LRMDA: variants seen among roughly 807,000 people sequenced by gnomAD.
LRMDA encodes the protein leucine rich melanocyte differentiation associated, also known as leucine-rich melanocyte differentiation-associated protein.
Under a neutral mutation model 29.8 loss-of-function variants are expected in LRMDA, and 18 were observed. That is an observed-to-expected ratio of 0.60 (90% CI 0.42 to 0.90). The LOEUF (loss-of-function observed/expected upper bound fraction) is 0.90, where lower values mean the gene tolerates loss of function less well. Ranked by LOEUF, LRMDA falls within the 40% of genes least tolerant of loss-of-function variation. The probability of loss-of-function intolerance (pLI) is 0.00; values close to 1 mark genes in which losing one functional copy is unlikely to be tolerated. For synonymous variants in LRMDA, 125 were observed against 109.4 expected (o/e 1.14, Z -0.89); for missense variants, 273 against 273.9 (o/e 1.00, Z 0.02).
intron 5 of LRMDA, among the ~76,000 whole-genome samples, chr10:76,285,835 T>C (rs567462836): frequency 6.6e-6 from 1 of 152,322 alleles, no homozygotes; most frequent in South Asian, 2.1e-4. Context: ...TTGAATTTAA[T>C]TTTATGTTTT....
intron 6 of LRMDA, among the ~76,000 whole-genome samples, chr10:76,531,295 C>T (rs921073704): frequency 1.3e-5 from 2 of 151,966 alleles, no homozygotes; most frequent in African/African-American, 4.8e-5. Context: ...ACAAGAGACT[C>T]GGAAATTCAA....
intron 2 of LRMDA, among the ~76,000 whole-genome samples, chr10:75,445,562 T>C (rs1392654582): frequency 6.4e-4 from 3 of 4,716 alleles, no homozygotes; most frequent in Non-Finnish European, 1.1e-3. Flanking sequence ...GATAATTCTG[T>C]GCTTTAGCCG....
At chr10:75,458,701 C>A (rs1019907989) in intron 2 of LRMDA, among the ~76,000 whole-genome samples, 1 of 152,080 alleles carries the variant, frequency 6.6e-6, no homozygotes, top group Non-Finnish European at 1.5e-5. Context: ...CATAGATGCA[C>A]CCCACCCTTC....
chr10:76,081,682 G>A (rs1320363196), intron 5 of LRMDA, among the ~76,000 whole-genome samples: 1 of 152,014 alleles, frequency 6.6e-6, no homozygotes, highest in Non-Finnish European at 1.5e-5. Context: ...CTGAAAACAG[G>A]GACTAAACTG....
At chr10:76,144,667 A>C (rs1344846242) in intron 5 of LRMDA, among the ~76,000 whole-genome samples, 1 of 152,088 alleles carries the variant, frequency 6.6e-6, no homozygotes, top group Non-Finnish European at 1.5e-5. Flanking sequence ...CTCTTTTCCT[A>C]ATTGAATACC....
chr10:76,159,293 ATCT>A (rs931092407), intron 5 of LRMDA, among the ~76,000 whole-genome samples: 1 of 152,192 alleles, frequency 6.6e-6, no homozygotes, highest in Admixed American at 6.5e-5. Context: ...TGAGTGCCAC[ATCT>A]TCTGTCATCA....
At chr10:76,311,312 A>T (rs781733419) in intron 5 of LRMDA, among the ~76,000 whole-genome samples, 20 of 148,330 alleles carry the variant, frequency 1.3e-4, no homozygotes, top group Admixed American at 1.3e-3. Context: ...CATATTATTC[A>T]CACATTTAAA....
chr10:76,081,872 A>T (rs1309341650), intron 5 of LRMDA, among the ~76,000 whole-genome samples: 2 of 152,222 alleles, frequency 1.3e-5, no homozygotes, highest in Non-Finnish European at 2.9e-5. Flanking sequence ...ATTAAACACT[A>T]TCCCTTACTT....
At chr10:76,254,300 T>TACCATACC (rs1852541192) in intron 5 of LRMDA, among the ~76,000 whole-genome samples, 324 of 90,614 alleles carry the variant, frequency 3.6e-3, no homozygotes, top group Non-Finnish European at 5.3e-3. Flanking sequence ...TATACTATAC[T>TACCATACC]ATACCATACC....
At chr10:75,763,285 A>T (rs1346573543) in intron 2 of LRMDA, among the ~76,000 whole-genome samples, 2 of 152,296 alleles carry the variant, frequency 1.3e-5, no homozygotes, top group East Asian at 3.9e-4. Flanking sequence ...TCTGTTCCTG[A>T]TGGCCAGAAA....
At position 75,558,688 on chromosome 10, in the gene LRMDA, C is replaced by T. The variant is rs1314324184; in HGVS notation, c.131+120194C>T. On this transcript the variant is annotated intron_variant, in intron 2 of 6. Transcript: ENST00000611255. ...TAATGCTATCCCTCCCCACTCCCCC[C>T]ACCCCACAACAGTCCCCAGAGTGTG... Among the ~76,000 whole-genome samples the T allele has an allele frequency of 2.4e-3, 351 of 149,230 alleles. 4 individuals are homozygous for T. The highest frequency in any genetic ancestry group is 8.5e-3 in the African/African-American group (347 of 40,644).
chr10:76,120,250 G>T (rs570466740), intron 5 of LRMDA, among the ~76,000 whole-genome samples: 2 of 149,864 alleles, frequency 1.3e-5, no homozygotes, highest in East Asian at 2.0e-4. Flanking sequence ...GTACAGTGGC[G>T]CAATCTTGGC....
intron 2 of LRMDA, among the ~76,000 whole-genome samples, chr10:75,916,901 C>A (rs1466157771): frequency 1.3e-5 from 2 of 152,132 alleles, no homozygotes; most frequent in South Asian, 2.1e-4. Context: ...ATCTCATTAG[C>A]CTTTTTAGCC....
chr10:76,541,590 TC>T (rs869283616), intron 6 of LRMDA, among the ~76,000 whole-genome samples: 24 of 130,608 alleles, frequency 1.8e-4, no homozygotes, highest in Middle Eastern at 4.6e-3. Context: ...TGTTTTTGTT[TC>T]CAGGGGTAAG....
At chr10:75,625,067 ATAGT>A (rs1479894528) in intron 2 of LRMDA, among the ~76,000 whole-genome samples, 1 of 152,168 alleles carries the variant, frequency 6.6e-6, no homozygotes, top group Admixed American at 6.5e-5. Flanking sequence ...GTAGAATCAC[ATAGT>A]TAGTCTCAGC....
At chr10:75,698,810 ATCTT>A (rs1589162653) in intron 2 of LRMDA, among the ~76,000 whole-genome samples, 1 of 152,174 alleles carries the variant, frequency 6.6e-6, no homozygotes, top group Non-Finnish European at 1.5e-5. Context: ...GAATAGAAAA[ATCTT>A]TCTACAGAGG....
At chr10:76,117,518 T>C (rs1255542986) in intron 5 of LRMDA, among the ~76,000 whole-genome samples, 1 of 152,202 alleles carries the variant, frequency 6.6e-6, no homozygotes, top group Non-Finnish European at 1.5e-5. Flanking sequence ...TTCATTAGCT[T>C]CAGAGCTCTA....
chr10:75,822,031 A>G (rs1844170830), intron 2 of LRMDA, among the ~76,000 whole-genome samples: 1 of 152,192 alleles, frequency 6.6e-6, no homozygotes, highest in Non-Finnish European at 1.5e-5. Context: ...GGGAAAGTGG[A>G]AGTCAAATTA....
chr10:76,477,039 A>G (rs1389489236), intron 6 of LRMDA, among the ~76,000 whole-genome samples: 2 of 152,262 alleles, frequency 1.3e-5, no homozygotes, highest in East Asian at 3.9e-4. Flanking sequence ...TAGTGTTGGA[A>G]GTTCTGGCCA....
Sources: allele counts gnomAD v4.1 joint callset (sites outside exome capture counted in the v4.1 genomes callset), GRCh38; gene constraint gnomAD v4.1.1; transcripts MANE v1.5; gene names NCBI Gene and HGNC (gene_info 2026-07-23, HGNC 2026-07-21).